MIS18A: variants seen among roughly 807,000 people sequenced by gnomAD.
MIS18A encodes the protein MIS18 kinetochore protein A.
In MIS18A, 14 loss-of-function variants were observed where a neutral mutation model predicts 25.0. That is an observed-to-expected ratio of 0.56 (90% CI 0.37 to 0.88). The LOEUF (loss-of-function observed/expected upper bound fraction) is 0.88. Ranked by LOEUF, MIS18A falls within the 40% of genes least tolerant of loss-of-function variation. MIS18A has a pLI of 0.00. For synonymous variants in MIS18A, 134 were observed against 118.6 expected (o/e 1.13, Z -0.84); for missense variants, 292 against 290.8 (o/e 1.00, Z -0.03).
At chr21:32,169,125 G>A in the MIS18A span, among the ~76,000 whole-genome samples, 1 of 152,100 alleles carries the variant, frequency 6.6e-6, no homozygotes, top group African/African-American at 2.4e-5. Context: ...AATCTTTGTG[G>A]TTTTTTAACT....
chr21:32,246,732 C>A, the MIS18A span, among the ~76,000 whole-genome samples: 5 of 152,154 alleles, frequency 3.3e-5, no homozygotes, highest in Admixed American at 1.3e-4. Context: ...CCTTCTCTTT[C>A]AGTCACTGGC....
At chr21:32,239,388 G>A in the MIS18A span, among the ~76,000 whole-genome samples, 13 of 152,300 alleles carry the variant, frequency 8.5e-5, no homozygotes, top group African/African-American at 3.1e-4. Flanking sequence ...ATTCCCAGGA[G>A]CAATCTTCCA....
At chr21:32,202,362 GA>G in the MIS18A span, among the ~76,000 whole-genome samples, 3 of 151,560 alleles carry the variant, frequency 2.0e-5, no homozygotes, top group Non-Finnish European at 1.5e-5. Flanking sequence ...AACTTCAAAG[GA>G]AAAAAAATCA....
At chr21:32,241,310 G>A in the MIS18A span, among the ~76,000 whole-genome samples, 26 of 150,278 alleles carry the variant, frequency 1.7e-4, no homozygotes, top group African/African-American at 6.1e-4. Flanking sequence ...ATTAAAATCC[G>A]AGCAACATTC....
chr21:32,202,153 G>A, the MIS18A span, among the ~76,000 whole-genome samples: 107 of 151,988 alleles, frequency 7.0e-4, no homozygotes, highest in Admixed American at 1.2e-3. Flanking sequence ...GCTGGGCGTG[G>A]TGATGCATGC....
the MIS18A span, among the ~76,000 whole-genome samples, chr21:32,234,399 C>T: frequency 6.6e-6 from 1 of 152,078 alleles, no homozygotes; most frequent in Admixed American, 6.5e-5. Flanking sequence ...TAATGCCTAA[C>T]GTGCTGAAGT....
chr21:32,248,561 G>A, the MIS18A span, among the ~76,000 whole-genome samples: 37 of 152,246 alleles, frequency 2.4e-4, 1 homozygote, highest in South Asian at 6.9e-3. Flanking sequence ...TCACACAGTC[G>A]GAGCCACAGG....
At chr21:32,155,230 C>T in the MIS18A span, among the ~76,000 whole-genome samples, 1 of 151,936 alleles carries the variant, frequency 6.6e-6, no homozygotes, top group African/African-American at 2.4e-5. Flanking sequence ...CTTGTTTTAC[C>T]AGCTGTTTAG....
chr21:32,219,023 G>C, the MIS18A span, among the ~76,000 whole-genome samples: 2 of 150,314 alleles, frequency 1.3e-5, no homozygotes, highest in African/African-American at 4.9e-5. Context: ...AGCTGAGATC[G>C]TGTCATTGCA....
the MIS18A span, among the ~76,000 whole-genome samples, chr21:32,245,371 C>T: frequency 2.6e-5 from 4 of 152,326 alleles, no homozygotes; most frequent in Middle Eastern, 6.8e-3. Context: ...CATCCCTGCT[C>T]GCTCTTCCAA....
At chr21:32,220,298 C>T in the MIS18A span, among the ~76,000 whole-genome samples, 2 of 152,244 alleles carry the variant, frequency 1.3e-5, no homozygotes, top group African/African-American at 2.4e-5. Context: ...GCAATCTTTG[C>T]TGTTCTGCAG....
At chr21:32,237,268 G>A in the MIS18A span, among the ~76,000 whole-genome samples, 1 of 152,232 alleles carries the variant, frequency 6.6e-6, no homozygotes, top group East Asian at 1.9e-4. Context: ...GCCTGAGAGG[G>A]TCATGCAGCA....
chr21:32,258,057 C>T, the MIS18A span, among the ~76,000 whole-genome samples: 2 of 152,124 alleles, frequency 1.3e-5, no homozygotes, highest in African/African-American at 4.8e-5. Flanking sequence ...GAGTCAGACA[C>T]ATTAGCAAGG....
At chr21:32,232,940 G>C in the MIS18A span, among the ~76,000 whole-genome samples, 4 of 152,134 alleles carry the variant, frequency 2.6e-5, no homozygotes, top group African/African-American at 9.7e-5. Flanking sequence ...CAGAGATGGA[G>C]AATCAATGGG....
chr21:32,157,242 G>GTTTTTT, the MIS18A span, among the ~76,000 whole-genome samples: 3 of 15,354 alleles, frequency 2.0e-4, no homozygotes, highest in Admixed American at 8.1e-4. Flanking sequence ...TTTTTTTTTG[G>GTTTTTT]TAGTTTTAGT....
the MIS18A span, among the ~76,000 whole-genome samples, chr21:32,225,231 T>A: frequency 9.7e-6 from 1 of 103,198 alleles, no homozygotes; most frequent in Non-Finnish European, 1.9e-5. Flanking sequence ...AAGGACTTCA[T>A]GTCCAAAACA....
downstream of MIS18A, among the ~76,000 whole-genome samples, chr21:32,267,839 T>C (rs575574527): frequency 2.6e-5 from 4 of 152,336 alleles, no homozygotes; most frequent in South Asian, 8.3e-4. Context: ...CACCATAGTC[T>C]GTTAGTGGGA....
At chr21:32,233,505 T>G in the MIS18A span, among the ~76,000 whole-genome samples, 1 of 152,234 alleles carries the variant, frequency 6.6e-6, no homozygotes, top group African/African-American at 2.4e-5. Context: ...TCTCCTGTTT[T>G]AAGCTGAAGC....
At chr21:32,236,561 A>C in the MIS18A span, among the ~76,000 whole-genome samples, 6 of 152,186 alleles carry the variant, frequency 3.9e-5, no homozygotes. Flanking sequence ...GAGAGGGTAC[A>C]GATTCCTCCT....
Sources: allele counts gnomAD v4.1 joint callset (sites outside exome capture counted in the v4.1 genomes callset), GRCh38; gene constraint gnomAD v4.1.1; transcripts MANE v1.5; gene names NCBI Gene and HGNC (gene_info 2026-07-23, HGNC 2026-07-21).